The following SUMF1 variants were observed in gnomAD, a reference collection of about 807,000 sequenced individuals.
SUMF1 encodes formylglycine-generating enzyme.
In SUMF1, 48 loss-of-function variants were observed where a neutral mutation model predicts 47.6. That is an observed-to-expected ratio of 1.01 (90% CI 0.80 to 1.28). SUMF1 has a LOEUF of 1.28. Among genes scored for constraint, SUMF1 ranks in the 50% most tolerant of loss-of-function variants. SUMF1 has a pLI of 0.00. For synonymous variants in SUMF1, 230 were observed against 192.1 expected, an observed-to-expected ratio of 1.20 and a Z score of -1.63; for missense variants, 571 against 485.4, an observed-to-expected ratio of 1.18 and a Z score of -1.66.
In SUMF1 at chr3:4,129,290, G is replaced by C. The variant is rs76835191; in HGVS notation, c.1015-60545C>G. ...CACTCAACTGTCAAAGGCATAGTGG[G>C]TGTACCTACTGTAATGGACAGCAGA... On this transcript the variant is annotated intron_variant and NMD_transcript_variant, in intron 8 of 12. Coordinates refer to the SUMF1 transcript ENST00000448413. Among the ~76,000 whole-genome samples, 1,321 of 152,206 alleles carry C rather than the reference G, an allele frequency of 8.7e-3. 26 individuals are homozygous for C. The highest frequency in any genetic ancestry group is 0.03 in the African/African-American group (1,260 of 41,522).
At chr3:4,291,069 C>T (rs1697732248) in intron 8 of SUMF1, among the ~76,000 whole-genome samples, 1 of 152,074 alleles carries the variant, frequency 6.6e-6, no homozygotes, top group South Asian at 2.1e-4. Context: ...TAAAAGAACC[C>T]ACATAAAATG....
chr3:4,318,983 A>C (rs760229816), intron 8 of SUMF1, among the ~76,000 whole-genome samples: 2 of 152,242 alleles, frequency 1.3e-5, no homozygotes, highest in Non-Finnish European at 2.9e-5. Context: ...CTGAATAGAC[A>C]TCAAAAATAA....
intron 3 of SUMF1, among the ~76,000 whole-genome samples, chr3:4,448,327 G>A (rs1043009645): frequency 6.6e-6 from 1 of 152,104 alleles, no homozygotes; most frequent in African/African-American, 2.4e-5. Context: ...AGGACAGAGT[G>A]AGGCCCACCC....
At chr3:4,277,657 CATAA>C (rs1697446804) in intron 8 of SUMF1, among the ~76,000 whole-genome samples, 1 of 152,020 alleles carries the variant, frequency 6.6e-6, no homozygotes, top group Non-Finnish European at 1.5e-5. Context: ...GAAGAACTGG[CATAA>C]ATGAGAATGA....
At chr3:4,239,726 T>A (rs148106183) in intron 8 of SUMF1, among the ~76,000 whole-genome samples, 1 of 152,142 alleles carries the variant, frequency 6.6e-6, no homozygotes, top group Admixed American at 6.5e-5. Context: ...ACAGAGACAA[T>A]TGGACTTCCT....
At chr3:4,221,394 C>A (rs997380002) in intron 8 of SUMF1, among the ~76,000 whole-genome samples, 1 of 147,544 alleles carries the variant, frequency 6.8e-6, no homozygotes, top group African/African-American at 2.5e-5. Flanking sequence ...GCAGCAAATG[C>A]TTTGGGTTTG....
At chr3:4,206,842 T>C (rs1183590968) in intron 8 of SUMF1, among the ~76,000 whole-genome samples, 1 of 152,118 alleles carries the variant, frequency 6.6e-6, no homozygotes, top group African/African-American at 2.4e-5. Flanking sequence ...TTCTAGGTAC[T>C]CTGCATTTCC....
chr3:4,105,705 A>G (rs1467014324), intron 8 of SUMF1, among the ~76,000 whole-genome samples: 1 of 152,084 alleles, frequency 6.6e-6, no homozygotes, highest in East Asian at 1.9e-4. Context: ...TTTTTTGTTA[A>G]AAAGAAATAA....
At chr3:4,184,003 C>T (rs1425910025) in intron 8 of SUMF1, among the ~76,000 whole-genome samples, 2 of 151,880 alleles carry the variant, frequency 1.3e-5, no homozygotes, top group African/African-American at 4.8e-5. Context: ...GGCATTGTGG[C>T]ACATGCCTGC....
At chr3:4,430,147 C>A (rs1375035666) in intron 3 of SUMF1, among the ~76,000 whole-genome samples, 3 of 152,152 alleles carry the variant, frequency 2.0e-5, no homozygotes, top group Non-Finnish European at 4.4e-5. Context: ...AAGCACTTCC[C>A]AACAGCTGTT....
chr3:4,274,321 G>A (rs938147515), intron 8 of SUMF1, among the ~76,000 whole-genome samples: 1 of 152,026 alleles, frequency 6.6e-6, no homozygotes, highest in East Asian at 1.9e-4. Context: ...TTTGTAGGGG[G>A]CAAAGGGAGA....
At chr3:4,393,219 T>A (rs1173966959) in intron 7 of SUMF1, among the ~76,000 whole-genome samples, 1 of 152,192 alleles carries the variant, frequency 6.6e-6, no homozygotes, top group Non-Finnish European at 1.5e-5. Flanking sequence ...GTGAGTCTGC[T>A]TTTTTAGCTG....
At chr3:4,136,165 C>A (rs1361833631) in intron 8 of SUMF1, among the ~76,000 whole-genome samples, 1 of 152,088 alleles carries the variant, frequency 6.6e-6, no homozygotes, top group Non-Finnish European at 1.5e-5. Context: ...CCTGCATTGC[C>A]AAGACAATCC....
chr3:4,333,907 T>C lies in SUMF1; in HGVS notation c.1014+42423A>G, dbSNP rs1008025455. Among the ~76,000 whole-genome samples, 124 of 152,070 alleles carry C rather than the reference T, an allele frequency of 8.2e-4. 2 individuals carry two copies. The highest frequency in any genetic ancestry group is 4.5e-3 in the Admixed American group (69 of 15,280). On this transcript the variant is annotated intron_variant and NMD_transcript_variant, in intron 8 of 12. Transcript: ENST00000448413. ...CTTTTAGAGGCTGGGGTGGGGGGAC[T>C]GCTTGAGACCAGAAGTTTAGAACCA... is the stretch of plus-strand genomic sequence containing the variant.
At chr3:4,114,117 C>G (rs1181505466) in intron 8 of SUMF1, among the ~76,000 whole-genome samples, 1 of 152,012 alleles carries the variant, frequency 6.6e-6, no homozygotes, top group African/African-American at 2.4e-5. Context: ...AATTGAGGAA[C>G]CAAATACCTA....
At chr3:4,357,771 C>T (rs1384226275), downstream of SUMF1, among the ~76,000 whole-genome samples, 2 of 151,834 alleles carry the variant, frequency 1.3e-5, no homozygotes, top group Non-Finnish European at 2.9e-5. Context: ...ACAAGCCCAG[C>T]TAAGTTTTGT....
chr3:4,346,834 A>T (rs1490434768), intron 8 of SUMF1, among the ~76,000 whole-genome samples: 1 of 152,232 alleles, frequency 6.6e-6, no homozygotes, highest in East Asian at 1.9e-4. Flanking sequence ...ATGCAATAAA[A>T]AAATGATAAA....
At chr3:4,137,960 C>G (rs1285042216) in intron 8 of SUMF1, among the ~76,000 whole-genome samples, 2 of 151,900 alleles carry the variant, frequency 1.3e-5, no homozygotes, top group Non-Finnish European at 2.9e-5. Context: ...GTGAGTTCAG[C>G]AAGGTTGCTG....
rs867781054 is a variant in SUMF1 at position 4,392,637 on chromosome 3, A to C, written c.955-16248T>G. Among the ~76,000 whole-genome samples, 613 of 148,300 alleles carry C rather than the reference A, an allele frequency of 4.1e-3. 6 individuals are homozygous for C. Among genetic ancestry groups the C allele is most frequent in the African/African-American group, 0.015 (585 of 40,274 alleles). On this transcript the variant is annotated intron_variant, in intron 7 of 8. Transcript: ENST00000272902. Reference sequence around the variant, plus strand: ...TGTGTATATATATATATATATATATATATCTACCTATATATATAAAGAGAG... The same window carrying C: ...TGTGTATATATATATATATATATATCTATCTACCTATATATATAAAGAGAG...
Sources: gnomAD v4.1 joint callset for allele counts (sites outside exome capture counted in the v4.1 genomes callset) on GRCh38, gnomAD v4.1.1 for gene constraint, MANE v1.5 for transcripts, NCBI Gene and HGNC (gene_info 2026-07-23, HGNC 2026-07-21) for gene names.